Variants in REPS2 observed in about 807,000 individuals in gnomAD.
REPS2 encodes the protein RALBP1 associated Eps domain containing 2.
REPS2 carries 23 observed loss-of-function variants against 53.6 expected under a neutral mutation model. The observed-to-expected ratio is 0.43, with a 90% CI of 0.31 to 0.61. The LOEUF (loss-of-function observed/expected upper bound fraction) is 0.61, where lower values mean the gene tolerates loss of function less well. Among genes scored for constraint, REPS2 ranks in the 20% least tolerant of loss-of-function variants. The pLI, the probability that REPS2 is intolerant of heterozygous loss-of-function variation, is 0.11. For synonymous variants in REPS2, 238 were observed against 218.6 expected (o/e 1.09, Z -0.78); for missense variants, 446 against 534.9 (o/e 0.83, Z 1.64).
At chrX:17,174,484 A>C in the REPS2 span, among the ~76,000 whole-genome samples, 1 of 111,794 alleles carries the variant, frequency 8.9e-6, no homozygotes, top group East Asian at 2.8e-4. Flanking sequence ...GGTGATTCTA[A>C]TGTGCAGCCA....
At chrX:17,177,441 C>T in the REPS2 span, among the ~76,000 whole-genome samples, 1 of 111,697 alleles carries the variant, frequency 9.0e-6, no homozygotes, top group Non-Finnish European at 1.9e-5. Flanking sequence ...GTGGGGACGA[C>T]CTTGGTCTAG....
rs1221703086 is a variant in REPS2, at chrX:17,009,969, T to C, written c.397+3625T>C. On this transcript the variant is annotated intron_variant, in intron 2 of 17. Transcript: ENST00000357277. ...GCCATTTCTGGGTGACTTTTCCTGC[T>C]GCAGGCCATATGTCCATTTTATCTT... is the stretch of plus-strand genomic sequence containing the variant. Among the ~76,000 whole-genome samples, 10 of 111,434 alleles carry C rather than the reference T, an allele frequency of 9.0e-5. No homozygotes were observed. The Admixed American group carries it at 9.6e-4, about 11-fold the overall frequency.
Position 17,047,446 on chromosome X carries a change from C to G in REPS2, c.871C>G (p.Arg291Gly), listed in dbSNP as rs762310001. Residue 291 changes from arginine to glycine, a missense_variant, in exon 6 of 18, where the codon CGA becomes GGA. Physicochemically the swap from Arg to Gly is moderately radical, Grantham distance 125 (BLOSUM62 -2). Transcript: ENST00000357277. ...GCGCGAGTACTATGTCAATCAGTTC[C>G]GATCCCTTCAGCCAGACCCAAGCTC... ...EQREYYVNQF[R>G]SLQPDPSSFI... is the part of the protein sequence containing the mutation. The G allele has an allele frequency of 8.3e-7, 1 of 1,208,593 alleles. No homozygotes were observed. The highest frequency in any genetic ancestry group is 1.8e-5 in the African/African-American group (1 of 56,999).
At chrX:17,128,078 A>G (rs1001024260) in intron 14 of REPS2, among the ~76,000 whole-genome samples, 1 of 111,794 alleles carries the variant, frequency 8.9e-6, no homozygotes, top group East Asian at 2.8e-4. Flanking sequence ...GGAGCATACT[A>G]GAGTGCTTTC....
chrX:17,041,989 A>G (rs749232761), intron 5 of REPS2, among the ~76,000 whole-genome samples: 2 of 112,222 alleles, frequency 1.8e-5, no homozygotes, highest in South Asian at 7.5e-4. Flanking sequence ...TGCTTTCCCC[A>G]GAGATAATAA....
rs367700027 is a variant in REPS2, at chrX:17,006,266, A to G, written c.319A>G (p.Thr107Ala). The G allele has an allele frequency of 7.5e-6, 9 of 1,207,409 alleles. No homozygotes were observed. Among genetic ancestry groups the G allele is most frequent in the Non-Finnish European group, 9.0e-6 (8 of 892,616 alleles). ...AAAGCGGGTTGGTTATTTTGGTCCA[A>G]CACAGTTTTACATTGCCCTGAAATT... ...GAKRVGYFGP[T>A]QFYIALKLIA... The change falls in exon 2 of 18, where the codon ACA becomes GCA. Residue 107 changes from threonine (T) to alanine (A), a missense_variant. By Grantham distance (58) the Thr-to-Ala change is moderately conservative. Transcript: ENST00000357277.
At chrX:17,075,707 G>A (rs1451034834) in intron 12 of REPS2, among the ~76,000 whole-genome samples, 1 of 112,211 alleles carries the variant, frequency 8.9e-6, no homozygotes, top group African/African-American at 3.2e-5. Flanking sequence ...AAACATACAG[G>A]TTATATATGA....
the REPS2 span, among the ~76,000 whole-genome samples, chrX:17,192,884 A>G: frequency 3.6e-5 from 4 of 112,417 alleles, no homozygotes; most frequent in African/African-American, 9.7e-5. Context: ...GTGGTATTAC[A>G]CAGTGTGTAC....
chrX:17,046,404 C>A (rs1273199512), intron 5 of REPS2, among the ~76,000 whole-genome samples: 2 of 111,271 alleles, frequency 1.8e-5, no homozygotes, highest in Non-Finnish European at 3.8e-5. Context: ...TCTTGAACTC[C>A]TGACCTCGTG....
chrX:16,963,396 A>G (rs764427952), intron 1 of REPS2, among the ~76,000 whole-genome samples: 162 of 112,678 alleles, frequency 1.4e-3, no homozygotes, highest in Non-Finnish European at 2.5e-3. Context: ...GATATTATCT[A>G]TCTTGGTAAT....
chrX:16,966,121 C>A (rs756809468), intron 1 of REPS2, among the ~76,000 whole-genome samples: 1 of 110,812 alleles, frequency 9.0e-6, no homozygotes, highest in Non-Finnish European at 1.9e-5. Context: ...AGAGGGAGAC[C>A]GTGGGGAGAG....
At chrX:16,949,069 T>TTGG (rs3083679) in intron 1 of REPS2, among the ~76,000 whole-genome samples, 54 of 104,079 alleles carry the variant, frequency 5.2e-4, no homozygotes, top group East Asian at 2.2e-3. Flanking sequence ...ACCCATCACT[T>TTGG]TGGTGGTGGT....
At chrX:17,024,984 G>A (rs941129724) in intron 3 of REPS2, 75 bp from the exon 4 acceptor site, 6 of 1,195,453 alleles carry the variant, frequency 5.0e-6, no homozygotes, top group East Asian at 3.0e-5. Flanking sequence ...GTAGAGTTGC[G>A]TTATGCTTCC....
intron 1 of REPS2, among the ~76,000 whole-genome samples, chrX:16,959,675 T>C (rs960221812): frequency 1.8e-5 from 2 of 111,972 alleles, no homozygotes; most frequent in African/African-American, 6.5e-5. Context: ...CAAAAATAGC[T>C]ATATGTGCTC....
chrX:17,163,841 T>C, the REPS2 span, among the ~76,000 whole-genome samples: 1 of 111,957 alleles, frequency 8.9e-6, no homozygotes, highest in Middle Eastern at 4.6e-3. Flanking sequence ...GAACACTAGA[T>C]AGTAAGTTGC....
At chrX:17,192,204 G>A in the REPS2 span, among the ~76,000 whole-genome samples, 3 of 112,492 alleles carry the variant, frequency 2.7e-5, no homozygotes, top group Non-Finnish European at 3.8e-5. Flanking sequence ...GTGTGTGTGT[G>A]CGTGCACGCA....
the REPS2 span, among the ~76,000 whole-genome samples, chrX:17,169,975 T>C: frequency 8.9e-6 from 1 of 112,688 alleles, no homozygotes; most frequent in Non-Finnish European, 1.9e-5. Flanking sequence ...ACCCACAGGA[T>C]GGTAGAACCT....
chrX:17,090,690 C>T (rs1194963329), intron 13 of REPS2, among the ~76,000 whole-genome samples: 1 of 112,265 alleles, frequency 8.9e-6, no homozygotes, highest in East Asian at 2.8e-4. Flanking sequence ...TGTGACTTGT[C>T]TTTTTGTTTT....
chrX:17,118,239 G>A (rs1235905095), intron 14 of REPS2, among the ~76,000 whole-genome samples: 3 of 110,069 alleles, frequency 2.7e-5, no homozygotes, highest in Admixed American at 9.6e-5. Context: ...GATTACAGGC[G>A]TGAGCCACCG....
Sources: allele counts gnomAD v4.1 joint callset (sites outside exome capture counted in the v4.1 genomes callset), GRCh38; gene constraint gnomAD v4.1.1; transcripts MANE v1.5; gene names NCBI Gene and HGNC (gene_info 2026-07-23, HGNC 2026-07-21).